Variants in GABRB1 observed in about 807,000 individuals in gnomAD.
GABRB1 encodes gamma-aminobutyric acid receptor subunit beta-1.
In GABRB1, 17 loss-of-function variants were observed where a neutral mutation model predicts 51.6. That is an observed-to-expected ratio of 0.33 (90% CI 0.23 to 0.49). GABRB1 has a LOEUF of 0.49. GABRB1 is among the 20% of genes least tolerant of loss of function. GABRB1 has a pLI of 0.99. For synonymous variants in GABRB1, 247 were observed against 218.9 expected, an observed-to-expected ratio of 1.13 and a Z score of -1.14; for missense variants, 410 against 600.6, an observed-to-expected ratio of 0.68 and a Z score of 3.32.
chr4:47,335,029 T>C (rs187606656), intron 5 of GABRB1, among the ~76,000 whole-genome samples: 18 of 152,290 alleles, frequency 1.2e-4, no homozygotes, highest in African/African-American at 4.3e-4. Context: ...TCCATCTTAG[T>C]CATTAGGCAT....
At chr4:47,221,973 A>G (rs1720784119) in intron 4 of GABRB1, among the ~76,000 whole-genome samples, 1 of 152,126 alleles carries the variant, frequency 6.6e-6, no homozygotes, top group Non-Finnish European at 1.5e-5. Context: ...CTGGTGCTTA[A>G]GAACACCAGA....
rs1725351121 is a variant in GABRB1 at position 47,032,278 on chromosome 4, C to G, written c.173-139C>G. On this transcript the variant is annotated intron_variant, in intron 2 of 8. Transcript: ENST00000295454. ...GTGTGCCCACACCTGTTTTCCCAGGCAGTCCCCTGAAAGGGGTGGTGGGGG... is the reference window on the plus strand; with the variant it reads ...GTGTGCCCACACCTGTTTTCCCAGGGAGTCCCCTGAAAGGGGTGGTGGGGG... 3 of 834,170 alleles carry G rather than the reference C, an allele frequency of 3.6e-6. No individual in the cohort carries two copies. The South Asian group carries it at 4.9e-5, about 14-fold the overall frequency. The allele number at this position is 834,170 out of a possible 1,614,324, so 51.7% of individuals were successfully genotyped here.
chr4:47,276,298 A>G (rs1056027398), intron 4 of GABRB1, among the ~76,000 whole-genome samples: 13 of 152,156 alleles, frequency 8.5e-5, no homozygotes, highest in African/African-American at 3.1e-4. Flanking sequence ...TTGTCATAAT[A>G]TATTTACAAT....
chr4:47,286,489 C>T (rs970733116), intron 4 of GABRB1, among the ~76,000 whole-genome samples: 1 of 152,108 alleles, frequency 6.6e-6, no homozygotes, highest in Non-Finnish European at 1.5e-5. Context: ...CATTTATTTC[C>T]TGCCCTTCCT....
chr4:46,995,608 C>T (rs1252194319), intron 1 of GABRB1, among the ~76,000 whole-genome samples: 1 of 152,160 alleles, frequency 6.6e-6, no homozygotes, highest in East Asian at 1.9e-4. Flanking sequence ...AAGTGATCCT[C>T]CTGCCTCTGT....
At chr4:47,032,507 C>G (rs751798907) in intron 3 of GABRB1, 23 bp downstream of exon 3, 2 of 1,608,840 alleles carry the variant, frequency 1.2e-6, no homozygotes, top group South Asian at 1.1e-5. Flanking sequence ...CCGAGGGGCC[C>G]GGCGGTTCGG....
chr4:47,059,860 C>T (rs1726772340), intron 3 of GABRB1, among the ~76,000 whole-genome samples: 1 of 152,216 alleles, frequency 6.6e-6, no homozygotes, highest in Non-Finnish European at 1.5e-5. Context: ...TATTCAACCG[C>T]TTGCTGGTCA....
chr4:47,130,325 C>CTGTGTGTGTGTGTG (rs67244692), intron 3 of GABRB1, among the ~76,000 whole-genome samples: 3 of 133,660 alleles, frequency 2.2e-5, no homozygotes, highest in African/African-American at 5.9e-5. Flanking sequence ...GCTCCAGATA[C>CTGTGTGTGTGTGTG]TGTGTGTGTG....
intron 4 of GABRB1, among the ~76,000 whole-genome samples, chr4:47,171,845 G>A (rs1338062443): frequency 6.6e-6 from 1 of 151,902 alleles, no homozygotes; most frequent in Non-Finnish European, 1.5e-5. Context: ...AACTTTTTGA[G>A]CACGATATTA....
At chr4:47,074,741 T>C (rs955441824) in intron 3 of GABRB1, among the ~76,000 whole-genome samples, 4 of 152,128 alleles carry the variant, frequency 2.6e-5, no homozygotes, top group Non-Finnish European at 5.9e-5. Context: ...CATGCGAATA[T>C]ATAGTTGTCA....
intron 1 of GABRB1, among the ~76,000 whole-genome samples, chr4:47,015,074 T>C (rs1724705505): frequency 6.6e-6 from 1 of 152,018 alleles, no homozygotes; most frequent in African/African-American, 2.4e-5. Context: ...ACCCGGCTAA[T>C]TTTTTGTATT....
chr4:47,157,159 G>T (rs1282134502), intron 3 of GABRB1, among the ~76,000 whole-genome samples: 1 of 151,476 alleles, frequency 6.6e-6, no homozygotes, highest in Non-Finnish European at 1.5e-5. Flanking sequence ...ATTCCCTATG[G>T]CCCACAGTTT....
intron 4 of GABRB1, among the ~76,000 whole-genome samples, chr4:47,294,177 A>G (rs900373601): frequency 2.6e-5 from 4 of 152,330 alleles, no homozygotes; most frequent in African/African-American, 9.6e-5. Flanking sequence ...AGCATGAGCA[A>G]CGCAGAAGAC....
intron 4 of GABRB1, among the ~76,000 whole-genome samples, chr4:47,201,408 C>T (rs1248350520): frequency 6.6e-6 from 1 of 152,140 alleles, no homozygotes; most frequent in Non-Finnish European, 1.5e-5. Context: ...GCATGTCCAC[C>T]TTGACCAACT....
intron 3 of GABRB1, among the ~76,000 whole-genome samples, chr4:47,062,205 T>C (rs963321313): frequency 6.6e-6 from 1 of 152,012 alleles, no homozygotes; most frequent in African/African-American, 2.4e-5. Flanking sequence ...AGAGCTGAAA[T>C]CAGACAGGGT....
chr4:47,028,106 T>C (rs1725159879), upstream of GABRB1, among the ~76,000 whole-genome samples: 1 of 151,816 alleles, frequency 6.6e-6, no homozygotes, highest in Admixed American at 6.6e-5. Flanking sequence ...TTGTATTCAT[T>C]TGATTACTAC....
At chr4:47,293,744 CA>C (rs1302861971) in intron 4 of GABRB1, among the ~76,000 whole-genome samples, 1 of 152,116 alleles carries the variant, frequency 6.6e-6, no homozygotes, top group Non-Finnish European at 1.5e-5. Context: ...AATAAAGACA[CA>C]CACATACAGT....
intron 4 of GABRB1, among the ~76,000 whole-genome samples, chr4:47,183,727 A>ACATG (rs1485606361): frequency 6.6e-6 from 1 of 151,780 alleles, no homozygotes; most frequent in Non-Finnish European, 1.5e-5. Context: ...CCTTACATCC[A>ACATG]CATGAACTCA....
chr4:47,226,325 G>A (rs1720942438), intron 4 of GABRB1, among the ~76,000 whole-genome samples: 1 of 152,126 alleles, frequency 6.6e-6, no homozygotes, highest in Non-Finnish European at 1.5e-5. Context: ...GAATGCCTAT[G>A]AATGAAACAT....
Sources: gnomAD v4.1 joint callset for allele counts (sites outside exome capture counted in the v4.1 genomes callset) on GRCh38, gnomAD v4.1.1 for gene constraint, MANE v1.5 for transcripts, NCBI Gene and HGNC (gene_info 2026-07-23, HGNC 2026-07-21) for gene names.